Variants in PTPRD observed in about 807,000 individuals in gnomAD.
The protein encoded by PTPRD is receptor-type tyrosine-protein phosphatase delta.
In PTPRD, 34 loss-of-function variants were observed where a neutral mutation model predicts 214.5. The ratio of observed to expected loss-of-function variants is 0.16; its 90% CI spans 0.12 to 0.21. PTPRD has a LOEUF of 0.21. Ranked by LOEUF, PTPRD falls within the 10% of genes least tolerant of loss-of-function variation. The pLI, the probability that PTPRD is intolerant of heterozygous loss-of-function variation, is 1.00. For synonymous variants in PTPRD, 1,128 were observed against 845.7 expected, an observed-to-expected ratio of 1.33 and a Z score of -5.79; for missense variants, 2,545 against 2,398.7, an observed-to-expected ratio of 1.06 and a Z score of -1.27.
chr9:9,074,534 T>C (rs2099748226), intron 10 of PTPRD, among the ~76,000 whole-genome samples: 5 of 152,072 alleles, frequency 3.3e-5, no homozygotes. Context: ...TTGGTAGAAT[T>C]TGGGAGTGAA....
chr9:9,337,537 G>A (rs1040713847), intron 9 of PTPRD, among the ~76,000 whole-genome samples: 2 of 152,146 alleles, frequency 1.3e-5, no homozygotes, highest in African/African-American at 2.4e-5. Flanking sequence ...ATTAATAAAT[G>A]AAAATGTTGG....
At chr9:8,566,843 T>C in intron 14 of PTPRD, among the ~76,000 whole-genome samples, 1 of 152,198 alleles carries the variant, frequency 6.6e-6, no homozygotes, top group Non-Finnish European at 1.5e-5. Flanking sequence ...GGTCAAATGT[T>C]GCAGTTCTCA....
chr9:9,568,546 A>G (rs1451317354), intron 8 of PTPRD, among the ~76,000 whole-genome samples: 1 of 151,942 alleles, frequency 6.6e-6, no homozygotes, highest in African/African-American at 2.4e-5. Context: ...AACAGTTTTG[A>G]TATTAACCAT....
chr9:9,368,863 G>C (rs550948428), intron 9 of PTPRD, among the ~76,000 whole-genome samples: 34 of 151,726 alleles, frequency 2.2e-4, no homozygotes, highest in African/African-American at 7.7e-4. Flanking sequence ...CCATTAACTC[G>C]TGTCGTCATT....
At chr9:8,660,191 T>G (rs1181426709) in intron 12 of PTPRD, among the ~76,000 whole-genome samples, 1 of 152,240 alleles carries the variant, frequency 6.6e-6, no homozygotes, top group Non-Finnish European at 1.5e-5. Context: ...ATATAGCATG[T>G]ACATGCTCTT....
intron 39 of PTPRD, among the ~76,000 whole-genome samples, chr9:8,358,923 C>G (rs947199517): frequency 6.6e-6 from 1 of 150,610 alleles, no homozygotes; most frequent in South Asian, 2.1e-4. Context: ...CTGGCTAACA[C>G]GGTGAAACCC....
At chr9:10,283,786 T>C (rs938158244) in intron 3 of PTPRD, among the ~76,000 whole-genome samples, 3 of 152,206 alleles carry the variant, frequency 2.0e-5, no homozygotes, top group African/African-American at 7.2e-5. Context: ...GTAAAGTCCT[T>C]TCAATCCTTA....
At chr9:9,108,568 G>GCCA (rs2099801924) in intron 10 of PTPRD, among the ~76,000 whole-genome samples, 1 of 152,098 alleles carries the variant, frequency 6.6e-6, no homozygotes, top group East Asian at 1.9e-4. Flanking sequence ...TTTATCTTGG[G>GCCA]CTTATGCCAC....
intron 3 of PTPRD, among the ~76,000 whole-genome samples, chr9:10,182,274 A>G (rs898070166): frequency 2.0e-5 from 3 of 150,578 alleles, no homozygotes; most frequent in Admixed American, 6.6e-5. Context: ...AAAAAAAAAA[A>G]AAAAAGAAAA....
intron 3 of PTPRD, among the ~76,000 whole-genome samples, chr9:10,230,453 T>C (rs1479913126): frequency 2.0e-5 from 3 of 151,240 alleles, no homozygotes; most frequent in Non-Finnish European, 4.4e-5. Context: ...TCTATCTATC[T>C]ATCTATCTAT....
intron 7 of PTPRD, among the ~76,000 whole-genome samples, chr9:9,664,242 T>C (rs1299356701): frequency 6.6e-6 from 1 of 151,524 alleles, no homozygotes; most frequent in African/African-American, 2.4e-5. Context: ...ATAGTGATTA[T>C]TGATAGTGAT....
In PTPRD at chr9:9,159,920, T is replaced by C. The variant is rs543617643; in HGVS notation, c.-143+23384A>G. 2.6e-5 allele frequency among the ~76,000 whole-genome samples: 4 copies of C among 152,256 alleles called. No homozygotes were observed. In the East Asian group the frequency reaches 7.7e-4, roughly 29 times the overall value. ...ATCTAGTCATTTGTGGGCAATTGAT[T>C]TTTGACAAAGGTGCCAAGAACACAC... On this transcript the variant is annotated intron_variant, in intron 10 of 45. Transcript: ENST00000381196.
At position 9,734,571 on chromosome 9, in the gene PTPRD, C is replaced by T. The variant is rs1361883556; in HGVS notation, c.-325G>A. ...TTACCAGAAGATCAAGGAGTCCAAG[C>T]CTGATAAAAAGCAAAACAGAGGAAA... On this transcript the variant is annotated splice_region_variant and 5_prime_UTR_variant, in exon 7 of 46. Coordinates refer to ENST00000381196, the MANE Select transcript of PTPRD (RefSeq NM_002839.4). The T allele has an allele frequency of 6.6e-6, 1 of 151,740 alleles. No homozygotes were observed. The highest frequency in any genetic ancestry group is 1.5e-5 in the Non-Finnish European group (1 of 67,896). The allele number at this position is 151,740 out of a possible 1,614,324, so 9.4% of individuals were successfully genotyped here.
chr9:9,794,527 T>TA (rs573573381), intron 5 of PTPRD, among the ~76,000 whole-genome samples: 53 of 151,654 alleles, frequency 3.5e-4, no homozygotes, highest in Non-Finnish European at 6.2e-4. Context: ...AATAGAGAGG[T>TA]AAGTGAGGGA....
At chr9:10,381,603 T>C (rs1180750555) in intron 2 of PTPRD, among the ~76,000 whole-genome samples, 1 of 151,998 alleles carries the variant, frequency 6.6e-6, no homozygotes, top group Non-Finnish European at 1.5e-5. Flanking sequence ...ACCTGTTATC[T>C]GGCTACAAAA....
intron 11 of PTPRD, among the ~76,000 whole-genome samples, chr9:8,987,082 G>T (rs1567420136): frequency 6.6e-6 from 1 of 152,084 alleles, no homozygotes; most frequent in Non-Finnish European, 1.5e-5. Context: ...AGACATCACT[G>T]GAATTCATCC....
chr9:8,440,885 T>C (rs1385241568), intron 34 of PTPRD, among the ~76,000 whole-genome samples: 1 of 152,174 alleles, frequency 6.6e-6, no homozygotes, highest in Non-Finnish European at 1.5e-5. Flanking sequence ...CACTTTCACT[T>C]TATACAAGAG....
chr9:8,470,336 T>G (rs993567689), intron 31 of PTPRD, among the ~76,000 whole-genome samples: 19 of 152,148 alleles, frequency 1.2e-4, no homozygotes, highest in African/African-American at 4.6e-4. Context: ...AAAAATGTCC[T>G]TATACAAGAA....
intron 39 of PTPRD, 36 bp downstream of exon 39, chr9:8,375,900 C>T (rs572420142): frequency 6.3e-7 from 1 of 1,591,156 alleles, no homozygotes; most frequent in Non-Finnish European, 8.6e-7. Context: ...ATTTAGCTTT[C>T]TGTTTCCTGA....
Sources: allele counts gnomAD v4.1 joint callset (sites outside exome capture counted in the v4.1 genomes callset), GRCh38; gene constraint gnomAD v4.1.1; transcripts MANE v1.5; gene names NCBI Gene and HGNC (gene_info 2026-07-23, HGNC 2026-07-21).